The following GK variants were observed in gnomAD, a reference collection of about 807,000 sequenced individuals.
GK encodes the protein glycerol kinase, also known as ATP:glycerol 3-phosphotransferase.
GK carries 9 observed loss-of-function variants against 56.4 expected under a neutral mutation model. That is an observed-to-expected ratio of 0.16 (90% confidence interval 0.10 to 0.28). The LOEUF is 0.28. Ranked by LOEUF, GK falls within the 10% of genes least tolerant of loss-of-function variation. GK has a pLI of 1.00. For synonymous variants in GK, 104 were observed against 144.1 expected, an observed-to-expected ratio of 0.72 and a Z score of 1.99; for missense variants, 161 against 431.4, an observed-to-expected ratio of 0.37 and a Z score of 5.55.
intron 6 of GK, among the ~76,000 whole-genome samples, chrX:30,694,802 G>A (rs1222366695): frequency 3.6e-5 from 4 of 111,737 alleles, no homozygotes; most frequent in Non-Finnish European, 5.6e-5. Context: ...TTTAGGATGA[G>A]TAATTTAGAT....
At chrX:30,684,245 T>C (rs1281003673) in intron 4 of GK, among the ~76,000 whole-genome samples, 1 of 112,208 alleles carries the variant, frequency 8.9e-6, no homozygotes, top group Non-Finnish European at 1.9e-5. Flanking sequence ...CTAGCTGTAT[T>C]TCCCCCTAAT....
In GK at chrX:30,659,022, C is replaced by A. The variant is rs1274923632; in HGVS notation, c.78+5407C>A. Among the ~76,000 whole-genome samples the A allele has an allele frequency of 6.2e-5, 7 of 112,165 alleles. No homozygotes were observed. In the East Asian group the frequency reaches 1.7e-3, roughly 27 times the overall value. The stretch of plus-strand genomic sequence containing the variant: ...ATATGCCATTTACTACAATTTCTTT[C>A]TTTCTTTCTTTCTTTTCCTTTTTGA... On this transcript the variant is annotated intron_variant, in intron 1 of 20. Transcript: ENST00000427190.
At chrX:30,688,382 T>C (rs1256694322) in intron 4 of GK, among the ~76,000 whole-genome samples, 3 of 109,341 alleles carry the variant, frequency 2.7e-5, no homozygotes, top group African/African-American at 1.0e-4. Context: ...ACACACCTAG[T>C]ATTTTAAAGA....
chrX:30,693,157 C>T (rs1356692314), intron 5 of GK, among the ~76,000 whole-genome samples: 1 of 108,161 alleles, frequency 9.2e-6, no homozygotes, highest in East Asian at 2.9e-4. Flanking sequence ...GCTGGGACTA[C>T]AGGTGCCCGC....
chrX:30,670,462 A>G (rs1308025169), intron 3 of GK, among the ~76,000 whole-genome samples: 1 of 111,425 alleles, frequency 9.0e-6, no homozygotes, highest in Non-Finnish European at 1.9e-5. Flanking sequence ...CAGCTTCTCT[A>G]TACTCCTCTG....
chrX:30,708,789 T>C (rs1936167829), intron 13 of GK, among the ~76,000 whole-genome samples: 1 of 112,254 alleles, frequency 8.9e-6, no homozygotes, highest in African/African-American at 3.2e-5. Flanking sequence ...CATTTCTATA[T>C]AATTAATTTT....
At chrX:30,710,776 T>C (rs1215694828) in intron 13 of GK, among the ~76,000 whole-genome samples, 1 of 111,652 alleles carries the variant, frequency 9.0e-6, no homozygotes, top group African/African-American at 3.2e-5. Context: ...TACATTTCTA[T>C]GTTTTTATTT....
chrX:30,687,373 T>A (rs1934681676), intron 4 of GK: 1 of 263,558 alleles, frequency 3.8e-6, no homozygotes, highest in Non-Finnish European at 7.4e-6. Flanking sequence ...CCCTTTCTGC[T>A]CCCTGCCTCT....
Position 30,728,977 on chromosome X carries a change from G to A in GK, c.*235G>A. The A allele has an allele frequency of 2.6e-6, 1 of 389,774 alleles. No homozygotes were observed. The highest frequency in any genetic ancestry group is 4.2e-5 in the South Asian group (1 of 23,857). 32.1% of individuals were successfully genotyped at this position (389,774 alleles called of 1,213,427 possible). A position where few individuals can be genotyped will look rare whatever the true frequency, so the allele number is the denominator to read the frequency against. ...TTTTTAAACATCCACAGTTAAGGTT[G>A]GGCCAGCTACCTTTGGGGCTGACCC... On this transcript the variant is annotated 3_prime_UTR_variant, in exon 21 of 21. Transcript: ENST00000427190.
intron 19 of GK, chrX:30,724,749 T>C (rs1262482446): frequency 5.6e-6 from 1 of 178,345 alleles, no homozygotes; most frequent in African/African-American, 3.1e-5. Flanking sequence ...TTCAGTCACT[T>C]AGGAAGGTCA....
intron 5 of GK, among the ~76,000 whole-genome samples, chrX:30,693,624 C>G (rs1935095634): frequency 9.0e-6 from 1 of 111,686 alleles, no homozygotes; most frequent in African/African-American, 3.3e-5. Context: ...TCTCAGCTCA[C>G]TGCAACCTCT....
At chrX:30,684,977 A>G (rs915417798) in intron 4 of GK, among the ~76,000 whole-genome samples, 2 of 111,771 alleles carry the variant, frequency 1.8e-5, no homozygotes, top group Non-Finnish European at 3.8e-5. Context: ...CTATGTGATC[A>G]TGAGTTGAGA....
chrX:30,666,336 C>T (rs1437441787), intron 2 of GK, among the ~76,000 whole-genome samples: 1 of 111,790 alleles, frequency 8.9e-6, no homozygotes, highest in Admixed American at 9.6e-5. Context: ...AAGGGAATGT[C>T]ACTGGAAATA....
chrX:30,705,433 G>A (rs1414313851), intron 11 of GK, among the ~76,000 whole-genome samples: 1 of 112,773 alleles, frequency 8.9e-6, no homozygotes, highest in Admixed American at 9.3e-5. Flanking sequence ...GTCCAGTAGT[G>A]CTGACTGGGT....
intron 19 of GK, among the ~76,000 whole-genome samples, chrX:30,727,052 A>G (rs1937165660): frequency 8.9e-6 from 1 of 112,521 alleles, no homozygotes; most frequent in Non-Finnish European, 1.9e-5. Flanking sequence ...TTAGGACACT[A>G]ATATAACTCT....
intron 1 of GK, among the ~76,000 whole-genome samples, chrX:30,655,888 T>C (rs1601859596): frequency 8.9e-6 from 1 of 112,229 alleles, no homozygotes; most frequent in South Asian, 3.6e-4. Context: ...CCTTCAAAAA[T>C]TGGCTCCTGT....
chrX:30,658,305 T>C (rs1932451024), intron 1 of GK, among the ~76,000 whole-genome samples: 1 of 111,011 alleles, frequency 9.0e-6, no homozygotes, highest in African/African-American at 3.3e-5. Context: ...ATAAGTAGAG[T>C]TGTGATTCTT....
intron 13 of GK, among the ~76,000 whole-genome samples, chrX:30,713,301 G>GA (rs1363741837): frequency 1.8e-5 from 2 of 111,679 alleles, no homozygotes; most frequent in Non-Finnish European, 3.8e-5. Context: ...GACACATATA[G>GA]AAAAATAAAT....
At chrX:30,710,363 GCAA>G (rs946268615) in intron 13 of GK, among the ~76,000 whole-genome samples, 6 of 111,521 alleles carry the variant, frequency 5.4e-5, no homozygotes, top group Non-Finnish European at 1.1e-4. Context: ...AGCGGTCTCA[GCAA>G]CAACAACAAC....
Sources: gnomAD v4.1 joint callset for allele counts (sites outside exome capture counted in the v4.1 genomes callset) on GRCh38, gnomAD v4.1.1 for gene constraint, MANE v1.5 for transcripts, NCBI Gene and HGNC (gene_info 2026-07-23, HGNC 2026-07-21) for gene names.